The following PHF6 variants were observed in gnomAD, a reference collection of about 807,000 sequenced individuals.
The protein encoded by PHF6 is PHD finger protein 6, also known as PHD-like zinc finger protein.
In PHF6, 7 loss-of-function variants were observed where a neutral mutation model predicts 34.0. The ratio of observed to expected loss-of-function variants is 0.21; its 90% CI spans 0.12 to 0.39. The LOEUF (loss-of-function observed/expected upper bound fraction) is 0.39, where lower values mean the gene tolerates loss of function less well. Ranked by LOEUF, PHF6 falls within the 10% of genes least tolerant of loss-of-function variation. The probability of loss-of-function intolerance (pLI) is 1.00; values close to 1 mark genes in which losing one functional copy is unlikely to be tolerated. For missense variants in PHF6, 128 were observed against 262.8 expected, an observed-to-expected ratio of 0.49 and a Z score of 3.55; for synonymous variants, 89 against 88.4, an observed-to-expected ratio of 1.01 and a Z score of -0.04.
chrX:134,378,044 G>C lies in PHF6; in HGVS notation c.178G>C (p.Glu60Gln). Residue 60 changes from glutamate to glutamine, a missense_variant, in exon 3 of 11, where the codon GAA becomes CAA. Transcript: ENST00000370803. ...TTTGGTATCATCACACTCTGATAAT[G>C]AAAGTCTTGGTGGATTTTCTATTGA... Reference protein sequence around the residue: ...SALVSSHSDNESLGGFSIEDV... With the variant: ...SALVSSHSDNQSLGGFSIEDV... 1 of 1,202,948 alleles carries C rather than the reference G, an allele frequency of 8.3e-7. No homozygotes were observed. Among genetic ancestry groups the C allele is most frequent in the Non-Finnish European group, 1.1e-6 (1 of 890,730 alleles).
intron 3 of PHF6, among the ~76,000 whole-genome samples, chrX:134,380,199 T>G (rs2077300787): frequency 9.6e-6 from 1 of 103,767 alleles, no homozygotes; most frequent in Non-Finnish European, 2.0e-5. Flanking sequence ...CAGGCTGGAG[T>G]GCAGTGGCGT....
rs768793547 is a variant in PHF6, at chrX:134,393,938, C to T, written c.404C>T (p.Ala135Val). ...MVYCRKHKKT[A>V]HNSEADLEES... ...TATTGCCGAAAACACAAGAAAACTGCACATAACTCCGAAGGTACATCATTT... is the reference window on the plus strand; with the variant it reads ...TATTGCCGAAAACACAAGAAAACTGTACATAACTCCGAAGGTACATCATTT... Residue 135 changes from alanine to valine, a missense_variant, in exon 5 of 11, where the codon GCA (alanine) becomes GTA (valine). Physicochemically the swap from Ala to Val is moderately conservative, Grantham distance 64. Transcript: ENST00000370803. 1 of 1,210,359 alleles carries T rather than the reference C, an allele frequency of 8.3e-7. No individual in the cohort carries two copies. The highest frequency in any genetic ancestry group is 1.1e-6 in the Non-Finnish European group (1 of 894,698).
At chrX:134,410,884 C>T in intron 5 of PHF6, among the ~76,000 whole-genome samples, 1 of 108,161 alleles carries the variant, frequency 9.2e-6, no homozygotes, top group Middle Eastern at 4.8e-3. Context: ...CTCGTGACCT[C>T]AAGTGATCCA....
chrX:134,423,382 A>G (rs1469395563), intron 9 of PHF6, among the ~76,000 whole-genome samples: 1 of 111,771 alleles, frequency 8.9e-6, no homozygotes, highest in East Asian at 2.8e-4. Flanking sequence ...CCATTTCATG[A>G]TGCCATTTAA....
chrX:134,389,793 G>T (rs1474832078), intron 3 of PHF6, among the ~76,000 whole-genome samples: 1 of 111,248 alleles, frequency 9.0e-6, no homozygotes, highest in Non-Finnish European at 1.9e-5. Flanking sequence ...CCCAGTCCTA[G>T]ATCAGAATGT....
At position 134,402,044 on chromosome X, in the gene PHF6, G is replaced by A. The variant is rs1195450040; in HGVS notation, c.418+8092G>A. ...AGAGTCTCATTCTGTTGCCCGGGCT[G>A]GAGTGCAGTGGCACGATCTCAGCTC... On this transcript the variant is annotated intron_variant, in intron 5 of 10. Coordinates refer to ENST00000370803, the MANE Select transcript of PHF6 (RefSeq NM_001015877.2). 3.6e-5 allele frequency among the ~76,000 whole-genome samples: 4 copies of A among 111,642 alleles called. No homozygotes were observed. In the Admixed American group the frequency reaches 3.8e-4, roughly 11 times the overall value.
intron 5 of PHF6, among the ~76,000 whole-genome samples, chrX:134,402,286 A>G (rs1013243195): frequency 6.2e-5 from 7 of 112,435 alleles, no homozygotes; most frequent in African/African-American, 2.3e-4. Flanking sequence ...GAGCCACCGC[A>G]CCTGGCCACA....
chrX:134,428,546 T>C lies in PHF6; in HGVS notation c.*2886T>C. 1 of 155,883 alleles carries C rather than the reference T, an allele frequency of 6.4e-6. No individual in the cohort carries two copies. Among genetic ancestry groups the C allele is most frequent in the East Asian group, 9.7e-5 (1 of 10,289 alleles). The allele number at this position is 155,883 out of a possible 1,213,427, so 12.8% of individuals were successfully genotyped here. A position where few individuals can be genotyped will look rare whatever the true frequency, so the allele number is the denominator to read the frequency against. On this transcript the variant is annotated 3_prime_UTR_variant, in exon 11 of 11. Transcript: ENST00000370803. ...AAAGAAAAAGTGTTCTAGAGTGTTG[T>C]TGCTTTTTTAAAAAAAGCGCTGAAG...
rs755211450 is a variant in PHF6 at position 134,413,885 on chromosome X, T to C, written c.648T>C (p.His216=). The change falls in exon 7 of 11, where the codon CAT becomes CAC. Residue 216 remains histidine, a synonymous_variant. Transcript: ENST00000370803. ...CCAGGCCTAAATGTGGATTTTGCCA[T>C]GTAGGGGAGGAAGAAAATGAAGCAC... ...SDTRPKCGFC[H]VGEEENEARG... 3.0e-5 allele frequency: 36 copies of C among 1,208,468 alleles called. No homozygotes were observed. The highest frequency in any genetic ancestry group is 6.6e-5 in the Admixed American group (3 of 45,557).
At chrX:134,404,251 A>G (rs1193933718) in intron 5 of PHF6, among the ~76,000 whole-genome samples, 2 of 112,229 alleles carry the variant, frequency 1.8e-5, no homozygotes, top group Admixed American at 9.5e-5. Context: ...GGAATTTGGA[A>G]GAAGTTTATT....
intron 1 of PHF6, 147 bp from the exon 2 acceptor site, chrX:134,377,425 C>G (rs774224209): frequency 8.6e-5 from 34 of 395,785 alleles, no homozygotes; most frequent in East Asian, 8.5e-4. Context: ...TTTCTTGGGG[C>G]TTAGAGTGGC....
intron 3 of PHF6, among the ~76,000 whole-genome samples, chrX:134,389,703 G>T (rs769306741): frequency 9.0e-6 from 1 of 110,930 alleles, no homozygotes; most frequent in African/African-American, 3.3e-5. Context: ...TTCTAGCGGG[G>T]CTAATCTTTT....
intron 9 of PHF6, chrX:134,418,839 CTTTTTTT>C (rs775327610): frequency 1.0e-5 from 1 of 97,797 alleles, no homozygotes; most frequent in Non-Finnish European, 2.1e-5. Flanking sequence ...CCAATCTCCC[CTTTTTTT>C]TTTTTTTTTA....
At chrX:134,412,093 A>G (rs1481868239) in intron 5 of PHF6, among the ~76,000 whole-genome samples, 2 of 112,572 alleles carry the variant, frequency 1.8e-5, no homozygotes, top group Non-Finnish European at 3.7e-5. Flanking sequence ...GTCAGTTTGA[A>G]TATTTAAATT....
chrX:134,425,606 G>A (rs2077505390), intron 10 of PHF6, 55 bp from the exon 11 acceptor site: 2 of 302,518 alleles, frequency 6.6e-6, no homozygotes, highest in Admixed American at 1.1e-4. Flanking sequence ...ACATTATATT[G>A]ATTGTGTTCC....
At position 134,428,002 on chromosome X, in the gene PHF6, A is replaced by G. The variant is rs1380728829; in HGVS notation, c.*2342A>G. On this transcript the variant is annotated 3_prime_UTR_variant, in exon 11 of 11. Coordinates refer to ENST00000370803, the MANE Select transcript of PHF6 (RefSeq NM_001015877.2). ...TTAAGTCCTTAACTGTAGTTTTAAT[A>G]AGCATGACATTATTTGATAAGTATA... 6.5e-6 allele frequency: 1 copy of G among 154,048 alleles called. No individual in the cohort carries two copies. The highest frequency in any genetic ancestry group is 1.3e-5 in the Non-Finnish European group (1 of 78,635). 12.7% of individuals were successfully genotyped at this position (154,048 alleles called of 1,213,427 possible). A position where few individuals can be genotyped will look rare whatever the true frequency, so the allele number is the denominator to read the frequency against.
chrX:134,412,820 T>C (rs2077456391), intron 5 of PHF6, among the ~76,000 whole-genome samples: 1 of 112,452 alleles, frequency 8.9e-6, no homozygotes, highest in Non-Finnish European at 1.9e-5. Flanking sequence ...TTTTACTGCT[T>C]GTATTAGAAA....
At chrX:134,418,747 T>C (rs1430612611) in intron 9 of PHF6, 2 of 112,081 alleles carry the variant, frequency 1.8e-5, no homozygotes, top group East Asian at 2.8e-4. Context: ...GGAAAACTTA[T>C]TGATTCATTC....
intron 5 of PHF6, among the ~76,000 whole-genome samples, 192 bp downstream of exon 5, chrX:134,394,144 TTTTTCCTG>T (rs2077366640): frequency 9.0e-6 from 1 of 111,093 alleles, no homozygotes; most frequent in Non-Finnish European, 1.9e-5. Flanking sequence ...TTTTTTTTTT[TTTTTCCTG>T]AAACGAAGTC....
Sources: gnomAD v4.1 joint callset for allele counts (sites outside exome capture counted in the v4.1 genomes callset) on GRCh38, gnomAD v4.1.1 for gene constraint, MANE v1.5 for transcripts, NCBI Gene and HGNC (gene_info 2026-07-23, HGNC 2026-07-21) for gene names.